BRMS1L: variants seen among roughly 807,000 people sequenced by gnomAD.
BRMS1L encodes BRMS1 like transcriptional repressor.
In BRMS1L, 23 loss-of-function variants were observed where a neutral mutation model predicts 50.3. That is an observed-to-expected ratio of 0.46 (90% confidence interval 0.33 to 0.65). The LOEUF (loss-of-function observed/expected upper bound fraction) is 0.65, where lower values mean the gene tolerates loss of function less well. Ranked by LOEUF, BRMS1L falls within the 30% of genes least tolerant of loss-of-function variation. The pLI is 0.02. For missense variants in BRMS1L, 286 were observed against 386.1 expected (o/e 0.74, Z 2.17); for synonymous variants, 114 against 126.9 (o/e 0.90, Z 0.69).
intron 4 of BRMS1L, among the ~76,000 whole-genome samples, chr14:35,861,016 T>C (rs2142060585): frequency 6.6e-6 from 1 of 152,330 alleles, no homozygotes; most frequent in Admixed American, 6.5e-5. Flanking sequence ...CCAGGTATCT[T>C]CTAGCTGTTC....
At chr14:35,865,073 A>T in intron 7 of BRMS1L, 74 bp downstream of exon 7, 10 of 1,107,710 alleles carry the variant, frequency 9.0e-6, no homozygotes, top group South Asian at 1.7e-5. Flanking sequence ...TTTTTTTGTT[A>T]GTACATCAAA....
rs2078478991 is a variant in BRMS1L at position 35,870,560 on chromosome 14, A to ACTTAATAT, written c.*84_*91dup. The ACTTAATAT allele has an allele frequency of 1.3e-6, 1 of 770,218 alleles. No individual in the cohort carries two copies. Among genetic ancestry groups the ACTTAATAT allele is most frequent in the Non-Finnish European group, 2.2e-6 (1 of 459,042 alleles). 47.7% of individuals were successfully genotyped at this position (770,218 alleles called of 1,614,324 possible). A position where few individuals can be genotyped will look rare whatever the true frequency, so the allele number is the denominator to read the frequency against. On this transcript the variant is annotated 3_prime_UTR_variant, in exon 10 of 10. Coordinates refer to ENST00000216807, the MANE Select transcript of BRMS1L (RefSeq NM_032352.4). The stretch of plus-strand genomic sequence containing the variant: ...TGAGAGTAAAAAAATGTATTCAATA[A>ACTTAATAT]CTTAATATTCTCACTGAATCATGAG...
At chr14:35,840,429 G>C (rs2078047767) in intron 4 of BRMS1L, among the ~76,000 whole-genome samples, 1 of 152,164 alleles carries the variant, frequency 6.6e-6, no homozygotes, top group Non-Finnish European at 1.5e-5. Flanking sequence ...GTTTAGAATA[G>C]TTTCAGAAGG....
intron 3 of BRMS1L, among the ~76,000 whole-genome samples, chr14:35,833,801 C>A (rs1280325662): frequency 2.6e-5 from 4 of 152,042 alleles, no homozygotes; most frequent in African/African-American, 7.2e-5. Flanking sequence ...CACTAATTGA[C>A]CCTTATGTAC....
In BRMS1L at chr14:35,826,346, C is replaced by A; in HGVS notation, c.-171C>A. ...AGGCCTCCGCCAATGGCAGAGCTCC[C>A]ATCGCAGAGCCTGCGGGTTAGGTTG... On this transcript the variant is annotated 5_prime_UTR_variant, in exon 1 of 10. Transcript: ENST00000216807. The A allele has an allele frequency of 1.0e-6, 1 of 956,998 alleles. No homozygotes were observed. The allele number at this position is 956,998 out of a possible 1,614,324, so 59.3% of individuals were successfully genotyped here.
chr14:35,832,400 G>C (rs1204880207), intron 2 of BRMS1L, among the ~76,000 whole-genome samples: 1 of 151,352 alleles, frequency 6.6e-6, no homozygotes, highest in Non-Finnish European at 1.5e-5. Flanking sequence ...CCAGCTACTC[G>C]GGAGGCTGAG....
intron 1 of BRMS1L, among the ~76,000 whole-genome samples, chr14:35,828,873 C>T (rs1217481574): frequency 6.6e-6 from 1 of 152,062 alleles, no homozygotes; most frequent in African/African-American, 2.4e-5. Context: ...AGTCATCTGC[C>T]TTGCCATGAA....
intron 4 of BRMS1L, among the ~76,000 whole-genome samples, chr14:35,860,615 T>C (rs1393008766): frequency 6.6e-6 from 1 of 151,304 alleles, no homozygotes; most frequent in Non-Finnish European, 1.5e-5. Flanking sequence ...AGCGTTTTAA[T>C]GGGTCACTCT....
intron 4 of BRMS1L, among the ~76,000 whole-genome samples, chr14:35,837,236 C>T (rs1595662352): frequency 6.6e-6 from 1 of 150,480 alleles, no homozygotes; most frequent in Non-Finnish European, 1.5e-5. Flanking sequence ...GCCTGGGCAA[C>T]AAGAGCAAAA....
chr14:35,837,385 A>G (rs1306051249), intron 4 of BRMS1L, among the ~76,000 whole-genome samples: 2 of 152,182 alleles, frequency 1.3e-5, no homozygotes, highest in African/African-American at 4.8e-5. Flanking sequence ...TTGTATATCA[A>G]ATGCCCATAT....
At chr14:35,833,154 T>C in intron 3 of BRMS1L, 49 bp downstream of exon 3, 1 of 1,550,814 alleles carries the variant, frequency 6.4e-7, no homozygotes, top group Non-Finnish European at 8.8e-7. Context: ...AACTCTTCAG[T>C]AGCTTTAAAA....
Position 35,864,832 on chromosome 14 carries a change from A to G in BRMS1L, c.623-103A>G, listed in dbSNP as rs1322400132. Reference sequence around the variant, plus strand: ...AAGTCAGAATTTAGGATGCCAAAGCATTATGCTCATAAATCATCGTTCCAT... The same window carrying G: ...AAGTCAGAATTTAGGATGCCAAAGCGTTATGCTCATAAATCATCGTTCCAT... On this transcript the variant is annotated intron_variant, in intron 6 of 9. Coordinates refer to ENST00000216807, the MANE Select transcript of BRMS1L (RefSeq NM_032352.4). 5.9e-6 allele frequency: 5 copies of G among 841,218 alleles called. No individual in the cohort carries two copies. The African/African-American group carries it at 8.8e-5, about 15-fold the overall frequency. 52.1% of individuals were successfully genotyped at this position (841,218 alleles called of 1,614,324 possible). A position where few individuals can be genotyped will look rare whatever the true frequency, so the allele number is the denominator to read the frequency against.
Position 35,862,691 on chromosome 14 carries a change from G to A in BRMS1L, c.538+5G>A, listed in dbSNP as rs1435257256. ...ACAGCATTGATATTACCTCAGGTAA[G>A]GAGAATGATATGATTGTGATGTTTG... is the stretch of plus-strand genomic sequence containing the variant. On this transcript the variant is annotated splice_donor_5th_base_variant and intron_variant, in intron 5 of 9. Transcript: ENST00000216807. The A allele has an allele frequency of 6.3e-7, 1 of 1,599,262 alleles. No individual in the cohort carries two copies. Among genetic ancestry groups the A allele is most frequent in the East Asian group, 2.2e-5 (1 of 44,514 alleles).
intron 1 of BRMS1L, among the ~76,000 whole-genome samples, chr14:35,827,152 C>G (rs1461139754): frequency 6.6e-6 from 1 of 152,086 alleles, no homozygotes; most frequent in Non-Finnish European, 1.5e-5. Context: ...GAGAGCGGTC[C>G]CGTTCAGTAG....
chr14:35,843,294 G>T (rs957785577), intron 4 of BRMS1L, among the ~76,000 whole-genome samples: 1 of 152,102 alleles, frequency 6.6e-6, no homozygotes, highest in Admixed American at 6.6e-5. Context: ...TTTTGCACTG[G>T]TTTTTCCTCA....
chr14:35,864,045 T>G, intron 6 of BRMS1L, 92 bp downstream of exon 6: 1 of 934,244 alleles, frequency 1.1e-6, no homozygotes, highest in South Asian at 1.5e-5. Context: ...AACACTGACT[T>G]TATTTGCATG....
chr14:35,860,138 C>CT (rs908158245), intron 4 of BRMS1L, among the ~76,000 whole-genome samples: 46 of 150,798 alleles, frequency 3.1e-4, no homozygotes, highest in African/African-American at 8.5e-4. Context: ...AATCATTTTT[C>CT]TTTTTTTTTG....
chr14:35,827,960 G>A (rs956025616), intron 1 of BRMS1L, among the ~76,000 whole-genome samples: 7 of 152,122 alleles, frequency 4.6e-5, no homozygotes, highest in Non-Finnish European at 8.8e-5. Flanking sequence ...AAAACCTTGG[G>A]AGAAGGAGTT....
chr14:35,865,638 T>G, intron 7 of BRMS1L, 84 bp from the exon 8 acceptor site: 1 of 1,012,226 alleles, frequency 9.9e-7, no homozygotes, highest in South Asian at 1.5e-5. Flanking sequence ...TCGGTAATAT[T>G]GTATATATTA....
Sources: gnomAD v4.1 joint callset for allele counts (sites outside exome capture counted in the v4.1 genomes callset) on GRCh38, gnomAD v4.1.1 for gene constraint, MANE v1.5 for transcripts, NCBI Gene and HGNC (gene_info 2026-07-23, HGNC 2026-07-21) for gene names.